The following SDK1 variants were observed in gnomAD, a reference collection of about 807,000 sequenced individuals.
SDK1 encodes protein sidekick-1.
In SDK1, 157 loss-of-function variants were observed where a neutral mutation model predicts 245.5. The ratio of observed to expected loss-of-function variants is 0.64; its 90% CI spans 0.56 to 0.73. The LOEUF (loss-of-function observed/expected upper bound fraction) is 0.73, where lower values mean the gene tolerates loss of function less well. SDK1 is among the 30% of genes least tolerant of loss of function. SDK1 has a pLI of 0.00. For missense variants in SDK1, 3,583 were observed against 3,002.3 expected (o/e 1.19, Z -4.52); for synonymous variants, 1,647 against 1,278.5 (o/e 1.29, Z -6.15).
chr7:3,521,834 C>T (rs755286026), intron 1 of SDK1, among the ~76,000 whole-genome samples: 8 of 152,108 alleles, frequency 5.3e-5, no homozygotes, highest in Non-Finnish European at 1.0e-4. Flanking sequence ...GAGAGGCATG[C>T]AGTGGAATTT....
chr7:3,545,790 C>G (rs781054901), intron 1 of SDK1, among the ~76,000 whole-genome samples: 2 of 152,158 alleles, frequency 1.3e-5, no homozygotes, highest in Non-Finnish European at 1.5e-5. Context: ...TTGGTGCTGT[C>G]AAGCGAAAGG....
At chr7:3,391,573 T>C (rs1338391760) in intron 1 of SDK1, among the ~76,000 whole-genome samples, 1 of 151,976 alleles carries the variant, frequency 6.6e-6, no homozygotes, top group Non-Finnish European at 1.5e-5. Context: ...AGTATATATA[T>C]GTACAGTGGC....
At chr7:3,836,291 C>G (rs1780026706) in intron 5 of SDK1, among the ~76,000 whole-genome samples, 1 of 152,168 alleles carries the variant, frequency 6.6e-6, no homozygotes, top group South Asian at 2.1e-4. Context: ...ATTGTGAAAA[C>G]TGATATCCTT....
intron 4 of SDK1, among the ~76,000 whole-genome samples, chr7:3,723,855 CATAT>C: frequency 7.1e-6 from 1 of 140,626 alleles, no homozygotes; most frequent in South Asian, 2.2e-4. Flanking sequence ...CGTACATATA[CATAT>C]ACACGTGTAT....
chr7:3,565,025 C>T (rs1415853067), intron 1 of SDK1, among the ~76,000 whole-genome samples: 1 of 151,548 alleles, frequency 6.6e-6, no homozygotes, highest in Non-Finnish European at 1.5e-5. Context: ...GTTGGAGAAG[C>T]AGTTTTGGGT....
intron 5 of SDK1, among the ~76,000 whole-genome samples, chr7:3,940,812 A>G (rs976992898): frequency 3.3e-5 from 5 of 150,378 alleles, no homozygotes; most frequent in African/African-American, 9.7e-5. Context: ...CAAAAATAAT[A>G]ATAATAATAG....
intron 1 of SDK1, among the ~76,000 whole-genome samples, chr7:3,467,615 A>C (rs1781048562): frequency 6.6e-6 from 1 of 152,028 alleles, no homozygotes. Context: ...TAGAAGTTGG[A>C]ATTTATGTTT....
At chr7:3,446,179 A>G (rs1361436857) in intron 1 of SDK1, among the ~76,000 whole-genome samples, 2 of 152,108 alleles carry the variant, frequency 1.3e-5, no homozygotes, top group African/African-American at 4.8e-5. Context: ...GCTAATAATC[A>G]TAAGATTGGT....
intron 4 of SDK1, among the ~76,000 whole-genome samples, chr7:3,661,966 T>C (rs996701327): frequency 8.6e-5 from 13 of 152,008 alleles, no homozygotes; most frequent in African/African-American, 3.1e-4. Flanking sequence ...GTTATTACCA[T>C]TAGTGGTTCT....
intron 40 of SDK1, among the ~76,000 whole-genome samples, chr7:4,230,783 A>C (rs1361463619): frequency 6.6e-6 from 1 of 152,098 alleles, no homozygotes; most frequent in African/African-American, 2.4e-5. Context: ...TTAGAAGCCC[A>C]TTGGTGGAAG....
chr7:4,231,733 G>C (rs549650974), intron 40 of SDK1, among the ~76,000 whole-genome samples: 1 of 152,308 alleles, frequency 6.6e-6, no homozygotes, highest in South Asian at 2.1e-4. Flanking sequence ...ACCTGTGACT[G>C]TAAGGACTTA....
chr7:4,093,887 A>G (rs773434476), intron 22 of SDK1, among the ~76,000 whole-genome samples: 40 of 152,188 alleles, frequency 2.6e-4, no homozygotes, highest in South Asian at 8.3e-4. Flanking sequence ...CTGTTTCTCT[A>G]GCACGTCCTT....
chr7:3,746,308 G>A (rs1456758275), intron 4 of SDK1, among the ~76,000 whole-genome samples: 1 of 152,172 alleles, frequency 6.6e-6, no homozygotes, highest in African/African-American at 2.4e-5. Context: ...TCTTTTTGAT[G>A]GTACAGGGTC....
chr7:4,187,749 A>T (rs74705737), intron 35 of SDK1, among the ~76,000 whole-genome samples: 4,458 of 152,308 alleles, frequency 0.029, 54 homozygotes, highest in South Asian at 0.065. Flanking sequence ...TGGGAAGGGA[A>T]CACAAGGGGA....
At chr7:3,447,159 A>G (rs1467306486) in intron 1 of SDK1, among the ~76,000 whole-genome samples, 5 of 152,190 alleles carry the variant, frequency 3.3e-5, no homozygotes, top group Admixed American at 6.5e-5. Flanking sequence ...TATTGTTTAT[A>G]TATGTCTTAG....
chr7:4,183,943 C>A (rs948145566), intron 35 of SDK1, among the ~76,000 whole-genome samples: 9 of 152,220 alleles, frequency 5.9e-5, no homozygotes, highest in East Asian at 1.9e-4. Context: ...GCAGTGCCAA[C>A]CCTGCAAGTG....
chr7:4,004,137 G>A lies in SDK1; in HGVS notation c.2132-6829G>A, dbSNP rs1355621421. Among the ~76,000 whole-genome samples, 6 of 152,354 alleles carry A rather than the reference G, an allele frequency of 3.9e-5. No individual in the cohort carries two copies. In the South Asian group the frequency reaches 1.0e-3, roughly 26 times the overall value. On this transcript the variant is annotated intron_variant, in intron 14 of 44. Coordinates refer to ENST00000404826, the MANE Select transcript of SDK1 (RefSeq NM_152744.4). ...ACAGCCATCAGCAGTAGCTCCAAGA[G>A]TGGGTGCTTTTGTTCCACAAACACT...
intron 4 of SDK1, among the ~76,000 whole-genome samples, chr7:3,749,271 G>C (rs1161028464): frequency 6.6e-6 from 1 of 151,788 alleles, no homozygotes; most frequent in East Asian, 1.9e-4. Flanking sequence ...TGAGTAGCTG[G>C]GACTACAGGT....
intron 1 of SDK1, among the ~76,000 whole-genome samples, chr7:3,588,414 C>CA (rs1257074268): frequency 6.6e-6 from 1 of 152,098 alleles, no homozygotes; most frequent in Non-Finnish European, 1.5e-5. Flanking sequence ...AGATTAGAAA[C>CA]AAAAAACAAC....
Sources: gnomAD v4.1 joint callset for allele counts (sites outside exome capture counted in the v4.1 genomes callset) on GRCh38, gnomAD v4.1.1 for gene constraint, MANE v1.5 for transcripts, NCBI Gene and HGNC (gene_info 2026-07-23, HGNC 2026-07-21) for gene names.